PRELID2: variants seen among roughly 807,000 people sequenced by gnomAD.
PRELID2 encodes PRELI domain-containing protein 2.
PRELID2 carries 25 observed loss-of-function variants against 28.4 expected under a neutral mutation model. The ratio of observed to expected loss-of-function variants is 0.88; its 90% confidence interval spans 0.64 to 1.23. The LOEUF (loss-of-function observed/expected upper bound fraction) is 1.23, where lower values mean the gene tolerates loss of function less well. PRELID2 is among the 50% of genes most tolerant of loss of function. The pLI is 0.00. For missense variants in PRELID2, 201 were observed against 214.4 expected, an observed-to-expected ratio of 0.94 and a Z score of 0.39; for synonymous variants, 76 against 71.6, an observed-to-expected ratio of 1.06 and a Z score of -0.31.
chr5:145,620,901 C>T (rs183339322), intron 1 of PRELID2, among the ~76,000 whole-genome samples: 51 of 152,230 alleles, frequency 3.4e-4, no homozygotes, highest in Non-Finnish European at 1.3e-4. Context: ...ATTAGGCTGA[C>T]ATCTGACTTC....
chr5:145,424,765 T>G, the PRELID2 span, among the ~76,000 whole-genome samples: 2 of 152,096 alleles, frequency 1.3e-5, no homozygotes, highest in African/African-American at 4.8e-5. Context: ...ATACAAAAAT[T>G]AACTCCAGAT....
At chr5:145,637,851 C>T (rs571247591) in intron 1 of PRELID2, among the ~76,000 whole-genome samples, 92 of 148,764 alleles carry the variant, frequency 6.2e-4, no homozygotes, top group African/African-American at 2.2e-3. Context: ...TGCTCTCTCT[C>T]CCAGGCTAGA....
At chr5:145,826,857 GA>G (rs34543722) in intron 1 of PRELID2, among the ~76,000 whole-genome samples, 10 of 150,056 alleles carry the variant, frequency 6.7e-5, no homozygotes, top group East Asian at 1.9e-4. Flanking sequence ...TTTGCCGAGG[GA>G]AAAAAAAACC....
chr5:145,430,341 A>G, the PRELID2 span, among the ~76,000 whole-genome samples: 5 of 152,318 alleles, frequency 3.3e-5, no homozygotes, highest in Non-Finnish European at 5.9e-5. Flanking sequence ...TTGGCTTTGT[A>G]TAAAAAAGAT....
At chr5:145,657,088 A>G (rs1257296620) in intron 1 of PRELID2, among the ~76,000 whole-genome samples, 1 of 152,056 alleles carries the variant, frequency 6.6e-6, no homozygotes, top group African/African-American at 2.4e-5. Flanking sequence ...GAAAGTATTC[A>G]TTTTTTATTT....
the PRELID2 span, among the ~76,000 whole-genome samples, chr5:145,275,663 C>T: frequency 6.6e-6 from 1 of 152,038 alleles, no homozygotes; most frequent in South Asian, 2.1e-4. Flanking sequence ...AGAAGTGTAG[C>T]CTGTGCAGAG....
intron 1 of PRELID2, among the ~76,000 whole-genome samples, chr5:145,738,205 G>A (rs1388730909): frequency 6.6e-6 from 1 of 152,062 alleles, no homozygotes; most frequent in Non-Finnish European, 1.5e-5. Context: ...TTCCCCAGCT[G>A]GAGTAATGTC....
chr5:145,285,752 T>C, the PRELID2 span, among the ~76,000 whole-genome samples: 1 of 152,180 alleles, frequency 6.6e-6, no homozygotes, highest in Non-Finnish European at 1.5e-5. Context: ...GAAGACCTTA[T>C]CAGGTTCCAA....
intron 1 of PRELID2, among the ~76,000 whole-genome samples, chr5:145,685,770 C>T (rs931283668): frequency 6.6e-6 from 1 of 152,052 alleles, no homozygotes; most frequent in African/African-American, 2.4e-5. Flanking sequence ...GGTAGAAAGC[C>T]GCTGACCCAC....
chr5:145,280,146 G>A, the PRELID2 span, among the ~76,000 whole-genome samples: 1 of 152,124 alleles, frequency 6.6e-6, no homozygotes, highest in East Asian at 1.9e-4. Flanking sequence ...GTTCAGGGGA[G>A]CCATTATACC....
At chr5:145,383,821 C>A in the PRELID2 span, among the ~76,000 whole-genome samples, 1 of 151,808 alleles carries the variant, frequency 6.6e-6, no homozygotes, top group Non-Finnish European at 1.5e-5. Context: ...GATTGGCACA[C>A]ACATGCACAT....
the PRELID2 span, among the ~76,000 whole-genome samples, chr5:145,463,993 C>A: frequency 1.3e-5 from 2 of 152,166 alleles, no homozygotes; most frequent in African/African-American, 4.8e-5. Flanking sequence ...GGGTAGAATT[C>A]TACCTTTTTG....
the PRELID2 span, among the ~76,000 whole-genome samples, chr5:145,456,972 C>G: frequency 6.6e-6 from 1 of 152,060 alleles, no homozygotes; most frequent in South Asian, 2.1e-4. Flanking sequence ...CTTCTAAATG[C>G]AAGATTAATG....
At chr5:145,739,419 C>T (rs930615485) in intron 1 of PRELID2, among the ~76,000 whole-genome samples, 11 of 152,042 alleles carry the variant, frequency 7.2e-5, no homozygotes, top group Non-Finnish European at 1.2e-4. Flanking sequence ...GCAGGAGAAG[C>T]GCTTGAACCT....
At chr5:145,355,582 C>T in the PRELID2 span, among the ~76,000 whole-genome samples, 3 of 152,098 alleles carry the variant, frequency 2.0e-5, no homozygotes, top group Non-Finnish European at 4.4e-5. Context: ...CATGCATATA[C>T]CCATACCTAT....
chr5:145,403,514 C>G, the PRELID2 span, among the ~76,000 whole-genome samples: 1 of 152,188 alleles, frequency 6.6e-6, no homozygotes, highest in African/African-American at 2.4e-5. Flanking sequence ...CTGGCCCTAT[C>G]CCTTCTAAGC....
intron 1 of PRELID2, among the ~76,000 whole-genome samples, chr5:145,658,468 G>T (rs909862013): frequency 1.3e-5 from 2 of 152,182 alleles, no homozygotes; most frequent in African/African-American, 2.4e-5. Flanking sequence ...GGGCCTAGTG[G>T]AAAGTATTAG....
the PRELID2 span, among the ~76,000 whole-genome samples, chr5:145,389,953 T>C: frequency 6.6e-6 from 1 of 152,356 alleles, no homozygotes; most frequent in South Asian, 2.1e-4. Flanking sequence ...ATATAGTTTA[T>C]TCAAATATTC....
At chr5:145,773,484 C>T (rs1758228602) in intron 5 of PRELID2, among the ~76,000 whole-genome samples, 1 of 152,182 alleles carries the variant, frequency 6.6e-6, no homozygotes, top group Non-Finnish European at 1.5e-5. Context: ...CAAAATATGG[C>T]CTCTCCCCCA....
Sources: allele counts gnomAD v4.1 joint callset (sites outside exome capture counted in the v4.1 genomes callset), GRCh38; gene constraint gnomAD v4.1.1; transcripts MANE v1.5; gene names NCBI Gene and HGNC (gene_info 2026-07-23, HGNC 2026-07-21).